Variants in NKAIN2 observed in about 807,000 individuals in gnomAD.
NKAIN2 encodes sodium/potassium transporting ATPase interacting 2.
A neutral mutation model predicts 32.6 loss-of-function variants in NKAIN2; 14 were observed. The ratio of observed to expected loss-of-function variants is 0.43; its 90% CI spans 0.28 to 0.67. NKAIN2 has a LOEUF of 0.67. Ranked by LOEUF, NKAIN2 falls within the 30% of genes least tolerant of loss-of-function variation. The probability of loss-of-function intolerance (pLI) is 0.17; values close to 1 mark genes in which losing one functional copy is unlikely to be tolerated. For missense variants in NKAIN2, 198 were observed against 258.3 expected, an observed-to-expected ratio of 0.77 and a Z score of 1.60; for synonymous variants, 80 against 87.2, an observed-to-expected ratio of 0.92 and a Z score of 0.46.
intron 4 of NKAIN2, among the ~76,000 whole-genome samples, chr6:124,730,651 C>A (rs1253265786): frequency 7.0e-6 from 1 of 143,830 alleles, no homozygotes; most frequent in Non-Finnish European, 1.5e-5. Flanking sequence ...TAGGCATGGG[C>A]AAGGACTTCA....
At chr6:124,212,039 G>T (rs1380756635) in intron 1 of NKAIN2, among the ~76,000 whole-genome samples, 4 of 151,940 alleles carry the variant, frequency 2.6e-5, no homozygotes, top group Admixed American at 6.6e-5. Flanking sequence ...TATTGAATAA[G>T]AACAGAATAT....
intron 1 of NKAIN2, among the ~76,000 whole-genome samples, chr6:123,892,950 G>C (rs1179113271): frequency 1.3e-5 from 2 of 151,346 alleles, no homozygotes; most frequent in Non-Finnish European, 2.9e-5. Flanking sequence ...TGGGCAACAA[G>C]CAGAAGGCAA....
At chr6:124,588,373 A>C (rs894138580) in intron 3 of NKAIN2, among the ~76,000 whole-genome samples, 2 of 152,194 alleles carry the variant, frequency 1.3e-5, no homozygotes, top group African/African-American at 4.8e-5. Flanking sequence ...ATATCCATGC[A>C]CAACTAGAAC....
intron 2 of NKAIN2, among the ~76,000 whole-genome samples, chr6:124,324,322 C>T (rs902638851): frequency 9.9e-5 from 15 of 152,220 alleles, no homozygotes; most frequent in African/African-American, 3.6e-4. Flanking sequence ...AAATTCTATA[C>T]ATTTTTCTAG....
intron 5 of NKAIN2, among the ~76,000 whole-genome samples, chr6:124,806,808 T>C (rs941342051): frequency 6.6e-6 from 1 of 150,436 alleles, no homozygotes; most frequent in East Asian, 1.9e-4. Context: ...ACCAAGCAAA[T>C]GGAAAACAAA....
chr6:124,713,358 T>G (rs575151088), intron 4 of NKAIN2, among the ~76,000 whole-genome samples: 2 of 152,206 alleles, frequency 1.3e-5, no homozygotes, highest in African/African-American at 4.8e-5. Flanking sequence ...AAGAATGGCC[T>G]GAATTATAGT....
chr6:124,135,216 GA>G (rs35216364), intron 1 of NKAIN2, among the ~76,000 whole-genome samples: 96,052 of 148,870 alleles, frequency 0.65, 30,842 homozygotes, highest in East Asian at 0.75. Flanking sequence ...ATTACACAAT[GA>G]AAAAAAAAAA....
intron 1 of NKAIN2, among the ~76,000 whole-genome samples, chr6:124,014,148 A>G (rs1780463329): frequency 6.6e-6 from 1 of 152,142 alleles, no homozygotes. Flanking sequence ...TTTCATTTGC[A>G]TTGTTTCTTG....
chr6:124,215,108 CAAT>C (rs1020324500), intron 1 of NKAIN2, among the ~76,000 whole-genome samples: 3 of 151,536 alleles, frequency 2.0e-5, no homozygotes, highest in African/African-American at 4.8e-5. Context: ...ATTAAAAAAA[CAAT>C]AATCATGGAA....
intron 1 of NKAIN2, among the ~76,000 whole-genome samples, chr6:123,879,261 C>T (rs1773331974): frequency 1.3e-5 from 2 of 152,120 alleles, no homozygotes; most frequent in African/African-American, 2.4e-5. Flanking sequence ...TGTGAATATG[C>T]TTCATGTCTG....
At chr6:124,476,063 A>AGTGTGTGT (rs772864587) in intron 3 of NKAIN2, among the ~76,000 whole-genome samples, 247 of 115,106 alleles carry the variant, frequency 2.1e-3, no homozygotes, top group African/African-American at 8.2e-3. Context: ...AGAGAGAGAG[A>AGTGTGTGT]GAGTGTGTGT....
chr6:124,487,897 A>G (rs2114717155), intron 3 of NKAIN2, among the ~76,000 whole-genome samples: 1 of 152,130 alleles, frequency 6.6e-6, no homozygotes, highest in Non-Finnish European at 1.5e-5. Context: ...ATACTTTGAC[A>G]CCTTTTAAGT....
At chr6:124,573,203 A>G (rs1781196428) in intron 3 of NKAIN2, among the ~76,000 whole-genome samples, 1 of 152,224 alleles carries the variant, frequency 6.6e-6, no homozygotes, top group East Asian at 1.9e-4. Context: ...GTGGAACACC[A>G]TACACAAAAG....
At chr6:124,538,505 A>G (rs1033128885) in intron 3 of NKAIN2, among the ~76,000 whole-genome samples, 1 of 152,058 alleles carries the variant, frequency 6.6e-6, no homozygotes, top group Non-Finnish European at 1.5e-5. Flanking sequence ...TTATTTATTT[A>G]ATCCTAAAAG....
intron 3 of NKAIN2, among the ~76,000 whole-genome samples, chr6:124,452,481 A>G (rs1055802546): frequency 6.6e-6 from 1 of 152,092 alleles, no homozygotes; most frequent in Admixed American, 6.6e-5. Context: ...GTTAATTATC[A>G]TTATAATTTA....
intron 1 of NKAIN2, among the ~76,000 whole-genome samples, chr6:123,849,435 G>A (rs1186270858): frequency 6.6e-6 from 1 of 152,152 alleles, no homozygotes; most frequent in Non-Finnish European, 1.5e-5. Context: ...ACTTAGTTCT[G>A]CAAGGTAGCT....
chr6:124,188,171 G>A, intron 1 of NKAIN2, among the ~76,000 whole-genome samples: 1 of 152,162 alleles, frequency 6.6e-6, no homozygotes, highest in Admixed American at 6.5e-5. Flanking sequence ...CACTTTGCCT[G>A]AATTTGGTCC....
chr6:124,062,578 A>G (rs1782965301), intron 1 of NKAIN2, among the ~76,000 whole-genome samples: 2 of 152,236 alleles, frequency 1.3e-5, no homozygotes, highest in Admixed American at 1.3e-4. Flanking sequence ...ACAGGCATGC[A>G]GCAGCACGCC....
chr6:123,936,307 G>T (rs959108053), intron 1 of NKAIN2, among the ~76,000 whole-genome samples: 1 of 152,150 alleles, frequency 6.6e-6, no homozygotes, highest in Admixed American at 6.5e-5. Flanking sequence ...CCCTAGATGG[G>T]TTTGATAATC....
Sources: allele counts gnomAD v4.1 joint callset (sites outside exome capture counted in the v4.1 genomes callset), GRCh38; gene constraint gnomAD v4.1.1; transcripts MANE v1.5; gene names NCBI Gene and HGNC (gene_info 2026-07-23, HGNC 2026-07-21).